PAPOLG: variants seen among roughly 807,000 people sequenced by gnomAD.
PAPOLG encodes the protein PAP-gamma.
PAPOLG carries 40 observed loss-of-function variants against 99.0 expected under a neutral mutation model. The ratio of observed to expected loss-of-function variants is 0.40; its 90% CI spans 0.31 to 0.53. The LOEUF (loss-of-function observed/expected upper bound fraction) is 0.53. PAPOLG is among the 20% of genes least tolerant of loss of function. The probability of loss-of-function intolerance (pLI) is 0.41; values close to 1 mark genes in which losing one functional copy is unlikely to be tolerated. For missense variants in PAPOLG, 675 were observed against 884.1 expected (o/e 0.76, Z 3.00); for synonymous variants, 310 against 299.3 (o/e 1.04, Z -0.37).
chr2:60,767,855 C>T (rs1329781489), intron 3 of PAPOLG, among the ~76,000 whole-genome samples: 2 of 152,012 alleles, frequency 1.3e-5, no homozygotes, highest in Non-Finnish European at 2.9e-5. Flanking sequence ...AGTGATGAAG[C>T]GAAAGACAGG....
intron 8 of PAPOLG, among the ~76,000 whole-genome samples, chr2:60,776,849 G>A (rs1671036023): frequency 6.6e-6 from 1 of 152,182 alleles, no homozygotes; most frequent in Non-Finnish European, 1.5e-5. Flanking sequence ...TCTTCTTCCA[G>A]TATAAGGCTG....
intron 10 of PAPOLG, among the ~76,000 whole-genome samples, chr2:60,781,577 C>T (rs1173761945): frequency 1.3e-5 from 2 of 152,034 alleles, no homozygotes; most frequent in African/African-American, 4.8e-5. Context: ...ACCATTAAAC[C>T]AGATAATGCT....
At chr2:60,767,091 AAGG>A (rs1387137993) in intron 3 of PAPOLG, among the ~76,000 whole-genome samples, 1 of 152,192 alleles carries the variant, frequency 6.6e-6, no homozygotes, top group African/African-American at 2.4e-5. Context: ...GTTGAATAGA[AAGG>A]AGGCCACAAA....
At chr2:60,760,347 AT>A in intron 2 of PAPOLG, 52 bp downstream of exon 2, 1 of 1,507,354 alleles carries the variant, frequency 6.6e-7, no homozygotes, top group Non-Finnish European at 9.1e-7. Context: ...TTAATCATTA[AT>A]TCTGCGAACA....
In PAPOLG at chr2:60,801,683, C is replaced by G. The variant is rs549033947; in HGVS notation, c.*4523C>G. 3 of 152,348 alleles carry G rather than the reference C, an allele frequency of 2.0e-5. No individual in the cohort carries two copies. The East Asian group carries it at 5.8e-4, about 29-fold the overall frequency. The allele number at this position is 152,348 out of a possible 1,614,324, so 9.4% of individuals were successfully genotyped here. A position where few individuals can be genotyped will look rare whatever the true frequency, so the allele number is the denominator to read the frequency against. On this transcript the variant is annotated 3_prime_UTR_variant, in exon 22 of 22. Coordinates refer to ENST00000238714, the MANE Select transcript of PAPOLG (RefSeq NM_022894.4). Reference sequence around the variant, plus strand: ...CAAACTCCTGACCTCCAGTGATGCACCCGCCTCGGCCTCCCAAAGTTCTGG... The same window carrying G: ...CAAACTCCTGACCTCCAGTGATGCAGCCGCCTCGGCCTCCCAAAGTTCTGG...
intron 10 of PAPOLG, among the ~76,000 whole-genome samples, chr2:60,781,652 A>G (rs1044402620): frequency 8.5e-5 from 13 of 152,232 alleles, no homozygotes; most frequent in Non-Finnish European, 1.8e-4. Flanking sequence ...ATGCACATCA[A>G]TTTAACAGCT....
chr2:60,788,719 C>T (rs374322027), intron 15 of PAPOLG, among the ~76,000 whole-genome samples: 39 of 152,058 alleles, frequency 2.6e-4, no homozygotes, highest in African/African-American at 9.2e-4. Context: ...TTGCCAGGCA[C>T]GGTGGCTCAC....
chr2:60,758,728 C>CCGCG (rs1670433985), intron 1 of PAPOLG, among the ~76,000 whole-genome samples: 1 of 152,090 alleles, frequency 6.6e-6, no homozygotes, highest in Non-Finnish European at 1.5e-5. Context: ...CACGCCCGGC[C>CCGCG]TCTAATGAGA....
Position 60,794,174 on chromosome 2 carries a change from T to C in PAPOLG, c.1972T>C (p.Leu658=). 5.6e-6 allele frequency: 9 copies of C among 1,612,466 alleles called. No individual in the cohort carries two copies. Among genetic ancestry groups the C allele is most frequent in the Non-Finnish European group, 7.6e-6 (9 of 1,178,698 alleles). Residue 658 remains leucine (L), a synonymous_variant, in exon 19 of 22, where the codon TTG becomes CTG. Transcript: ENST00000238714. The part of the protein sequence containing the change: ...SPSIDGTPKR[L]KDVEKFIRLE... The stretch of plus-strand genomic sequence containing the variant: ...ATCCATAGATGGGACTCCTAAGAGG[T>C]TGAAAGACGTAGAAAAGGTAAAGTT...
chr2:60,760,791 T>G (rs1432578300), intron 2 of PAPOLG, among the ~76,000 whole-genome samples: 3 of 152,162 alleles, frequency 2.0e-5, no homozygotes, highest in African/African-American at 4.8e-5. Flanking sequence ...TGTAAGGTGT[T>G]GTCAAGGTTT....
In PAPOLG at chr2:60,763,695, G is replaced by A. The variant is rs1434249043; in HGVS notation, c.246+1888G>A. 2.7e-5 allele frequency among the ~76,000 whole-genome samples: 4 copies of A among 150,492 alleles called. No individual in the cohort carries two copies. In the South Asian group the frequency reaches 6.3e-4, roughly 24 times the overall value. ...ATTTTTATATTTTTAGTAGAGACGG[G>A]GTTTCACCATAATGGTCAGGCTGGT... On this transcript the variant is annotated intron_variant, in intron 3 of 21. Coordinates refer to ENST00000238714, the MANE Select transcript of PAPOLG (RefSeq NM_022894.4).
chr2:60,777,231 G>T (rs545581370), intron 8 of PAPOLG, among the ~76,000 whole-genome samples: 1 of 152,042 alleles, frequency 6.6e-6, no homozygotes, highest in South Asian at 2.1e-4. Flanking sequence ...CGAGGCGAGC[G>T]GATCATGAGG....
At chr2:60,785,935 A>G (rs1181312805) in intron 13 of PAPOLG, among the ~76,000 whole-genome samples, 1 of 152,134 alleles carries the variant, frequency 6.6e-6, no homozygotes, top group Non-Finnish European at 1.5e-5. Context: ...TGACTGTTTT[A>G]TAGTCTTAAC....
chr2:60,783,744 C>T (rs1365816117), intron 13 of PAPOLG, among the ~76,000 whole-genome samples: 6 of 151,808 alleles, frequency 4.0e-5, no homozygotes, highest in Non-Finnish European at 2.9e-5. Flanking sequence ...GAACTCCTGA[C>T]CTCAAGTGAT....
intron 3 of PAPOLG, among the ~76,000 whole-genome samples, chr2:60,766,706 C>CA (rs1402817251): frequency 6.9e-6 from 1 of 145,388 alleles, no homozygotes; most frequent in Non-Finnish European, 1.5e-5. Flanking sequence ...CCCAAAAAAA[C>CA]AAAAGATGCC....
chr2:60,777,858 T>TA (rs1186415044), intron 8 of PAPOLG, among the ~76,000 whole-genome samples: 2 of 152,194 alleles, frequency 1.3e-5, no homozygotes, highest in African/African-American at 4.8e-5. Flanking sequence ...TTCACCGTCT[T>TA]ATATGGGCTC....
chr2:60,799,004 T>G lies in PAPOLG; in HGVS notation c.*1844T>G, dbSNP rs895080314. On this transcript the variant is annotated 3_prime_UTR_variant, in exon 22 of 22. Coordinates refer to ENST00000238714, the MANE Select transcript of PAPOLG (RefSeq NM_022894.4). ...CTGTTGTCTTAGCTGACTCTTTCCC[T>G]TTATTCAGATGTTTTGGGATTGTTC... is the stretch of plus-strand genomic sequence containing the variant. 1 of 152,394 alleles carries G rather than the reference T, an allele frequency of 6.6e-6. No individual in the cohort carries two copies. Among genetic ancestry groups the G allele is most frequent in the East Asian group, 1.9e-4 (1 of 5,342 alleles). The allele number at this position is 152,394 out of a possible 1,614,324, so 9.4% of individuals were successfully genotyped here.
At chr2:60,762,602 AT>A (rs928118053) in intron 3 of PAPOLG, among the ~76,000 whole-genome samples, 20 of 149,748 alleles carry the variant, frequency 1.3e-4, no homozygotes, top group African/African-American at 3.2e-4. Flanking sequence ...TGTCACTGTA[AT>A]TTTTTTTTTA....
intron 17 of PAPOLG, among the ~76,000 whole-genome samples, chr2:60,792,559 T>C (rs1671572725): frequency 6.6e-6 from 1 of 152,172 alleles, no homozygotes; most frequent in Non-Finnish European, 1.5e-5. Flanking sequence ...CTCTGCATTT[T>C]TCCCCCTTTT....
Sources: allele counts gnomAD v4.1 joint callset (sites outside exome capture counted in the v4.1 genomes callset), GRCh38; gene constraint gnomAD v4.1.1; transcripts MANE v1.5; gene names NCBI Gene and HGNC (gene_info 2026-07-23, HGNC 2026-07-21).